Variants in DPYD observed in about 807,000 individuals in gnomAD.
DPYD encodes dihydropyrimidine dehydrogenase [NADP(+)].
A neutral mutation model predicts 116.2 loss-of-function variants in DPYD; 109 were observed. The observed-to-expected ratio is 0.94, with a 90% CI of 0.80 to 1.10. The LOEUF (loss-of-function observed/expected upper bound fraction) is 1.10. DPYD is among the 50% of genes least tolerant of loss of function. The probability of loss-of-function intolerance (pLI) is 0.00; values close to 1 mark genes in which losing one functional copy is unlikely to be tolerated. For synonymous variants in DPYD, 440 were observed against 432.0 expected (o/e 1.02, Z -0.23); for missense variants, 1,302 against 1,254.5 (o/e 1.04, Z -0.57).
At chr1:97,421,448 C>T (rs79604719) in intron 14 of DPYD, among the ~76,000 whole-genome samples, 1 of 134,762 alleles carries the variant, frequency 7.4e-6, no homozygotes, top group Non-Finnish European at 1.6e-5. Context: ...AAAAACAAAA[C>T]AAAACAACAA....
At chr1:97,882,594 T>C (rs1283974122) in intron 2 of DPYD, among the ~76,000 whole-genome samples, 1 of 152,082 alleles carries the variant, frequency 6.6e-6, no homozygotes, top group Admixed American at 6.6e-5. Flanking sequence ...TAAAAACGTA[T>C]ATAACTTTAA....
chr1:97,433,677 T>C (rs1675305216), intron 14 of DPYD, among the ~76,000 whole-genome samples: 1 of 152,168 alleles, frequency 6.6e-6, no homozygotes, highest in African/African-American at 2.4e-5. Context: ...ATGGTATCTA[T>C]TATCCTAGCA....
chr1:97,763,103 G>A (rs114560456), intron 3 of DPYD, among the ~76,000 whole-genome samples: 1,848 of 152,118 alleles, frequency 0.012, 16 homozygotes, highest in Non-Finnish European at 0.02. Context: ...ATTCTTGACT[G>A]AGAAAGAAAA....
intron 18 of DPYD, among the ~76,000 whole-genome samples, chr1:97,302,884 A>G (rs1447279696): frequency 1.3e-5 from 2 of 152,024 alleles, no homozygotes; most frequent in Non-Finnish European, 2.9e-5. Context: ...GTTGGGAACC[A>G]ACCTTTGAAA....
At chr1:97,395,169 T>G (rs1672944519) in intron 14 of DPYD, among the ~76,000 whole-genome samples, 1 of 150,238 alleles carries the variant, frequency 6.7e-6, no homozygotes, top group Non-Finnish European at 1.5e-5. Flanking sequence ...TTTATATATT[T>G]TATATATTTT....
chr1:97,915,399 G>A (rs1674162717), intron 1 of DPYD, among the ~76,000 whole-genome samples: 1 of 152,106 alleles, frequency 6.6e-6, no homozygotes, highest in Admixed American at 6.5e-5. Context: ...TGTTGAGTTT[G>A]AATGCAGATG....
At position 97,078,857 on chromosome 1, in the gene DPYD, T is replaced by A. The variant is rs868519561; in HGVS notation, c.*119A>T. 22 of 1,223,230 alleles carry A rather than the reference T, an allele frequency of 1.8e-5. No individual in the cohort carries two copies. In the South Asian group the frequency reaches 2.6e-4, roughly 14 times the overall value. 75.8% of individuals were successfully genotyped at this position (1,223,230 alleles called of 1,614,324 possible). On this transcript the variant is annotated 3_prime_UTR_variant, in exon 23 of 23. Coordinates refer to ENST00000370192, the MANE Select transcript of DPYD (RefSeq NM_000110.4). Reference sequence around the variant, plus strand: ...AATGTATTTTGAAATTACATATTTTTATTTAGAAAATGTATATTTGTTTTA... The same window carrying A: ...AATGTATTTTGAAATTACATATTTTAATTTAGAAAATGTATATTTGTTTTA...
intron 20 of DPYD, among the ~76,000 whole-genome samples, chr1:97,131,532 C>T (rs1271042412): frequency 2.0e-5 from 3 of 152,078 alleles, no homozygotes; most frequent in African/African-American, 7.2e-5. Flanking sequence ...ATTGCTGGTC[C>T]CTGCTATATG....
At chr1:97,229,047 C>CA (rs952503172) in intron 19 of DPYD, among the ~76,000 whole-genome samples, 4 of 150,808 alleles carry the variant, frequency 2.7e-5, no homozygotes, top group African/African-American at 9.7e-5. Context: ...AATACACACA[C>CA]AAAAAAATTA....
At chr1:97,747,978 C>T (rs1448581607) in intron 3 of DPYD, among the ~76,000 whole-genome samples, 1 of 152,160 alleles carries the variant, frequency 6.6e-6, no homozygotes, top group African/African-American at 2.4e-5. Flanking sequence ...CAGGTATTCT[C>T]TACAATCTTC....
At chr1:97,740,545 T>C in intron 3 of DPYD, 66 bp from the exon 4 acceptor site, 3 of 1,356,828 alleles carry the variant, frequency 2.2e-6, no homozygotes, top group Non-Finnish European at 3.1e-6. Flanking sequence ...TTCTACCTTA[T>C]ACTCATTCAG....
intron 8 of DPYD, among the ~76,000 whole-genome samples, chr1:97,672,098 C>T (rs1659901313): frequency 1.3e-5 from 2 of 151,830 alleles, no homozygotes; most frequent in African/African-American, 4.8e-5. Context: ...AGCTTGGAAT[C>T]AGAACAAGAA....
intron 3 of DPYD, among the ~76,000 whole-genome samples, chr1:97,758,173 G>A (rs1665362056): frequency 6.6e-6 from 1 of 152,098 alleles, no homozygotes; most frequent in East Asian, 1.9e-4. Flanking sequence ...CAATCTGGCT[G>A]CCATTCTGTT....
intron 11 of DPYD, among the ~76,000 whole-genome samples, chr1:97,550,071 C>A (rs1459277181): frequency 6.6e-6 from 1 of 152,096 alleles, no homozygotes; most frequent in African/African-American, 2.4e-5. Flanking sequence ...ATACATTTTT[C>A]TAAAACTTTA....
chr1:97,828,911 T>C (rs139626587), intron 2 of DPYD, among the ~76,000 whole-genome samples: 1 of 152,086 alleles, frequency 6.6e-6, no homozygotes, highest in East Asian at 1.9e-4. Context: ...AAAATAGCAA[T>C]ACTAGACTGA....
At chr1:97,693,636 A>C (rs1468432557) in intron 6 of DPYD, among the ~76,000 whole-genome samples, 3 of 152,180 alleles carry the variant, frequency 2.0e-5, no homozygotes, top group Non-Finnish European at 4.4e-5. Flanking sequence ...GGGAGATTAA[A>C]TATGGACTAA....
intron 14 of DPYD, among the ~76,000 whole-genome samples, chr1:97,421,827 C>A (rs1674602078): frequency 6.6e-6 from 1 of 152,116 alleles, no homozygotes; most frequent in Admixed American, 6.5e-5. Context: ...GACTCCATGG[C>A]AAGAGCATTA....
intron 18 of DPYD, among the ~76,000 whole-genome samples, chr1:97,274,666 G>T (rs1404712829): frequency 6.6e-6 from 1 of 152,074 alleles, no homozygotes; most frequent in Non-Finnish European, 1.5e-5. Flanking sequence ...CTATTAGGTT[G>T]GTGCAAATGT....
rs143093183 is a variant in DPYD, at chr1:97,842,077, T to G, written c.151-13881A>C. On this transcript the variant is annotated intron_variant, in intron 2 of 22. Transcript: ENST00000370192. ...TTCTCTAGTAGTCAGAGGCTTCTTT[T>G]TTTACTATTAGTGGAATTTCACTGG... Among the ~76,000 whole-genome samples, 760 of 152,012 alleles carry G rather than the reference T, an allele frequency of 5.0e-3. 5 individuals carry two copies. Among genetic ancestry groups the G allele is most frequent in the Non-Finnish European group, 7.8e-3 (528 of 67,834 alleles).
Sources: gnomAD v4.1 joint callset for allele counts (sites outside exome capture counted in the v4.1 genomes callset) on GRCh38, gnomAD v4.1.1 for gene constraint, MANE v1.5 for transcripts, NCBI Gene and HGNC (gene_info 2026-07-23, HGNC 2026-07-21) for gene names.